Variants in IL17RD observed in about 807,000 individuals in gnomAD.
IL17RD encodes the protein interleukin 17 receptor D, also known as interleukin-17 receptor D.
In IL17RD, 52 loss-of-function variants were observed where a neutral mutation model predicts 80.5. The observed-to-expected ratio is 0.65, with a 90% CI of 0.52 to 0.81. IL17RD has a LOEUF of 0.81. IL17RD is among the 40% of genes least tolerant of loss of function. The pLI, the probability that IL17RD is intolerant of heterozygous loss-of-function variation, is 0.00. For missense variants in IL17RD, 1,024 were observed against 955.1 expected (o/e 1.07, Z -0.95); for synonymous variants, 416 against 391.8 (o/e 1.06, Z -0.73).
Position 57,097,654 on chromosome 3 carries a change from C to T in IL17RD, c.2049G>A (p.Ser683=), listed in dbSNP as rs1399460396. The change falls in exon 12 of 13, where the codon TCG becomes TCA. Residue 683 remains serine (S), a synonymous_variant. Coordinates refer to ENST00000296318, the MANE Select transcript of IL17RD (RefSeq NM_017563.5). ...GGGAAGACGTTTCTGTCTGGTCCGT[C>T]GAGAGTCCTTCCATCAGTGGCAGAG... ...ELSLPLMEGL[S]TDQTETSSLT... The T allele has an allele frequency of 1.9e-6, 3 of 1,600,744 alleles. No individual in the cohort carries two copies. Among genetic ancestry groups the T allele is most frequent in the Admixed American group, 3.5e-5 (2 of 57,914 alleles).
intron 3 of IL17RD, among the ~76,000 whole-genome samples, chr3:57,111,444 A>G (rs904330817): frequency 2.6e-5 from 4 of 152,214 alleles, no homozygotes; most frequent in Non-Finnish European, 5.9e-5. Context: ...TGTGGGGGTG[A>G]AAGCCAGCTG....
chr3:57,153,311 G>A (rs1379661184), intron 1 of IL17RD, among the ~76,000 whole-genome samples: 1 of 152,190 alleles, frequency 6.6e-6, no homozygotes, highest in Non-Finnish European at 1.5e-5. Flanking sequence ...ATCTACATTT[G>A]TTACCAGTTG....
intron 1 of IL17RD, among the ~76,000 whole-genome samples, chr3:57,131,851 G>A (rs965443781): frequency 2.0e-5 from 3 of 152,158 alleles, no homozygotes; most frequent in East Asian, 1.9e-4. Context: ...TTAAAGCTAC[G>A]TCTGTTGAAT....
intron 3 of IL17RD, among the ~76,000 whole-genome samples, chr3:57,113,729 G>T (rs1013423431): frequency 6.6e-6 from 1 of 150,904 alleles, no homozygotes; most frequent in Non-Finnish European, 1.5e-5. Context: ...TTGTAGAAAT[G>T]GGGGGGTCTC....
chr3:57,096,395 A>G lies in IL17RD; in HGVS notation c.2218T>C (p.Ter740GlnextTer6). 1 of 1,610,584 alleles carries G rather than the reference A, an allele frequency of 6.2e-7. No individual in the cohort carries two copies. Among genetic ancestry groups the G allele is most frequent in the Non-Finnish European group, 8.5e-7 (1 of 1,176,746 alleles). ...AATGCTTAGACTCTTTCGTTTTGTT[A>G]CAAAGGGGCGACCGCGTGGAGTTCA... Reference protein sequence around the residue: ...TDELHAVAPL* With the variant: ...TDELHAVAPLQ Residue 740 changes from the stop codon to glutamine (Q), a stop_lost, in exon 13 of 13, where the codon TAA becomes CAA. Coordinates refer to ENST00000296318, the MANE Select transcript of IL17RD (RefSeq NM_017563.5).
rs1707787577 is a variant in IL17RD, at chr3:57,139,346, G to A, written c.127-19033C>T. ...CGGGTAAAAGAATGTCAAGATGGAT[G>A]TTTTCAACATGAAAACCATCTTTTT... is the stretch of plus-strand genomic sequence containing the variant. On this transcript the variant is annotated intron_variant, in intron 1 of 12. Coordinates refer to ENST00000296318, the MANE Select transcript of IL17RD (RefSeq NM_017563.5). Among the ~76,000 whole-genome samples, 3 of 151,914 alleles carry A rather than the reference G, an allele frequency of 2.0e-5. No individual in the cohort carries two copies. The South Asian group carries it at 6.2e-4, about 32-fold the overall frequency.
At chr3:57,146,045 G>GTGCGCGCACA (rs1553627649) in intron 1 of IL17RD, among the ~76,000 whole-genome samples, 1 of 151,138 alleles carries the variant, frequency 6.6e-6, no homozygotes, top group African/African-American at 2.4e-5. Context: ...GCGCGCGCGC[G>GTGCGCGCACA]CACACACACA....
chr3:57,150,252 T>C (rs1177786258), intron 1 of IL17RD: 1 of 152,232 alleles, frequency 6.6e-6, no homozygotes, highest in Non-Finnish European at 1.5e-5. Context: ...AATCTGAGTT[T>C]AATTTAATTA....
intron 1 of IL17RD, among the ~76,000 whole-genome samples, chr3:57,124,470 A>G (rs1707406650): frequency 6.6e-6 from 1 of 152,146 alleles, no homozygotes; most frequent in Non-Finnish European, 1.5e-5. Context: ...GTGACAATGC[A>G]ATGAGGAGAG....
chr3:57,099,375 T>C (rs2107465771), intron 11 of IL17RD, among the ~76,000 whole-genome samples: 1 of 152,336 alleles, frequency 6.6e-6, no homozygotes, highest in Middle Eastern at 3.4e-3. Context: ...GTGTGGCCCC[T>C]TAGAGGACTT....
chr3:57,151,658 A>AT (rs2060222999), intron 1 of IL17RD, among the ~76,000 whole-genome samples: 1 of 152,098 alleles, frequency 6.6e-6, no homozygotes, highest in African/African-American at 2.4e-5. Flanking sequence ...AGGCCAGGTA[A>AT]TTTTTTGTCA....
chr3:57,153,241 G>C (rs1451541455), intron 1 of IL17RD, among the ~76,000 whole-genome samples: 1 of 152,174 alleles, frequency 6.6e-6, no homozygotes, highest in Non-Finnish European at 1.5e-5. Context: ...TATTAGCACA[G>C]ATCTCTAAAT....
chr3:57,153,830 C>G (rs1359865792), intron 1 of IL17RD, among the ~76,000 whole-genome samples: 1 of 152,118 alleles, frequency 6.6e-6, no homozygotes, highest in Non-Finnish European at 1.5e-5. Context: ...ACACTATATA[C>G]ATTTATATTT....
intron 1 of IL17RD, among the ~76,000 whole-genome samples, chr3:57,127,626 C>T (rs1442149125): frequency 6.6e-6 from 1 of 151,588 alleles, no homozygotes; most frequent in Non-Finnish European, 1.5e-5. Context: ...AGCCTGGTCT[C>T]GAACTCCTGA....
intron 1 of IL17RD, among the ~76,000 whole-genome samples, chr3:57,125,311 A>G (rs910036627): frequency 1.4e-4 from 22 of 152,068 alleles, no homozygotes; most frequent in African/African-American, 5.1e-4. Flanking sequence ...GAAGGCTGAG[A>G]CAGGAGAATT....
rs147762393 is a variant in IL17RD, at chr3:57,130,255, G to A, written c.127-9942C>T. On this transcript the variant is annotated intron_variant, in intron 1 of 12. Transcript: ENST00000296318. ...CCTCTGAGGGGTTCACAGGCCCCCA[G>A]GTCCAAAGCCATGTTTAGACACAAA... Among the ~76,000 whole-genome samples, 6 of 152,248 alleles carry A rather than the reference G, an allele frequency of 3.9e-5. No homozygotes were observed. The East Asian group carries it at 1.2e-3, about 29-fold the overall frequency.
intron 11 of IL17RD, among the ~76,000 whole-genome samples, chr3:57,100,856 AC>A (rs1289284970): frequency 2.0e-5 from 3 of 152,142 alleles, no homozygotes; most frequent in African/African-American, 7.2e-5. Flanking sequence ...CATGAGTGAC[AC>A]CCCTCAACTC....
intron 1 of IL17RD, among the ~76,000 whole-genome samples, chr3:57,141,187 C>T (rs1707821382): frequency 6.6e-6 from 1 of 152,170 alleles, no homozygotes; most frequent in Admixed American, 6.6e-5. Flanking sequence ...CAGACGTGAG[C>T]CACAGCACCC....
rs1423920099 is a variant in IL17RD, at chr3:57,126,976, C to G, written c.127-6663G>C. 2.0e-5 allele frequency among the ~76,000 whole-genome samples: 3 copies of G among 151,318 alleles called. No individual in the cohort carries two copies. The East Asian group carries it at 5.9e-4, about 30-fold the overall frequency. On this transcript the variant is annotated intron_variant, in intron 1 of 12. Transcript: ENST00000296318. ...AGTAGCTGGGATTACAGGTGCCCACCACCATGCCTGGCTAATTTTTGTATT... is the reference window on the plus strand; with the variant it reads ...AGTAGCTGGGATTACAGGTGCCCACGACCATGCCTGGCTAATTTTTGTATT...
Sources: allele counts gnomAD v4.1 joint callset (sites outside exome capture counted in the v4.1 genomes callset), GRCh38; gene constraint gnomAD v4.1.1; transcripts MANE v1.5; gene names NCBI Gene and HGNC (gene_info 2026-07-23, HGNC 2026-07-21).